The following FER1L6 variants were observed in gnomAD, a reference collection of about 807,000 sequenced individuals.
FER1L6 encodes the protein fer-1-like protein 6.
FER1L6 carries 177 observed loss-of-function variants against 219.2 expected under a neutral mutation model. That is an observed-to-expected ratio of 0.81 (90% CI 0.71 to 0.91). FER1L6 has a LOEUF of 0.91. Ranked by LOEUF, FER1L6 falls within the 40% of genes least tolerant of loss-of-function variation. The pLI is 0.00. For missense variants in FER1L6, 2,153 were observed against 2,259.9 expected, an observed-to-expected ratio of 0.95 and a Z score of 0.96; for synonymous variants, 768 against 824.3, an observed-to-expected ratio of 0.93 and a Z score of 1.17.
intron 21 of FER1L6, chr8:124,046,582 T>C (rs913243441): frequency 6.6e-6 from 1 of 152,192 alleles, no homozygotes; most frequent in African/African-American, 2.4e-5. Context: ...TATCTCTACC[T>C]CCTCATGAGG....
At chr8:123,958,926 G>A (rs931798373) in intron 2 of FER1L6, among the ~76,000 whole-genome samples, 3 of 151,758 alleles carry the variant, frequency 2.0e-5, no homozygotes, top group African/African-American at 4.8e-5. Context: ...CTGAAAGGGG[G>A]CCTTGTGGAT....
chr8:123,946,770 A>G (rs1439893210), intron 1 of FER1L6, among the ~76,000 whole-genome samples: 2 of 152,110 alleles, frequency 1.3e-5, no homozygotes, highest in African/African-American at 2.4e-5. Context: ...CTTAATTATT[A>G]TAATCTCTCC....
At position 123,993,460 on chromosome 8, in the gene FER1L6, AG is replaced by A. The variant is rs199808534; in HGVS notation, c.1519+7286del. 8.2e-3 allele frequency among the ~76,000 whole-genome samples: 1,137 copies of A among 139,138 alleles called. 15 individuals are homozygous for A. The highest frequency in any genetic ancestry group is 0.033 in the African/African-American group (1,078 of 32,362). 91.3% of individuals were successfully genotyped at this position (139,138 alleles called of 152,430 possible). On this transcript the variant is annotated intron_variant, in intron 12 of 40. Coordinates refer to ENST00000522917, the MANE Select transcript of FER1L6 (RefSeq NM_001039112.2). ...CCGTCTCAAAAAAAAAAAAAAAAAAAGGAAGAATGTATATCCAAGACCAAAT... is the reference window on the plus strand; with the variant it reads ...CCGTCTCAAAAAAAAAAAAAAAAAAAGAAGAATGTATATCCAAGACCAAAT...
At chr8:124,069,328 T>G (rs566743728) in intron 28 of FER1L6, 32 bp from the exon 29 acceptor site, 6 of 1,524,346 alleles carry the variant, frequency 3.9e-6, no homozygotes, top group Non-Finnish European at 5.5e-6. Context: ...TCAACCGCCA[T>G]GAGAAACCTA....
chr8:124,120,015 GC>G lies in FER1L6; in HGVS notation c.*226del, dbSNP rs1411102123. 5.0e-5 allele frequency: 21 copies of G among 423,038 alleles called. No homozygotes were observed. Among genetic ancestry groups the G allele is most frequent in the Middle Eastern group, 6.0e-4 (1 of 1,672 alleles). The allele number at this position is 423,038 out of a possible 1,614,324, so 26.2% of individuals were successfully genotyped here. ...TATCCCTTGGGCAGCATGAAATAAG[GC>G]ACTTTCACCTCATGGTAATCAACAA... On this transcript the variant is annotated 3_prime_UTR_variant, in exon 41 of 41. Coordinates refer to ENST00000522917, the MANE Select transcript of FER1L6 (RefSeq NM_001039112.2).
At chr8:124,099,354 T>A (rs1822453076) in intron 37 of FER1L6, among the ~76,000 whole-genome samples, 2 of 152,132 alleles carry the variant, frequency 1.3e-5, no homozygotes, top group Non-Finnish European at 2.9e-5. Context: ...CACTGTTTCT[T>A]CTCTACGGTT....
rs746807122 is a variant in FER1L6, at chr8:123,973,417, GCT to G, written c.448-7_448-6del. 3.1e-6 allele frequency: 5 copies of G among 1,599,970 alleles called. No individual in the cohort carries two copies. The highest frequency in any genetic ancestry group is 2.2e-5 in the East Asian group (1 of 44,800). On this transcript the variant is annotated splice_polypyrimidine_tract_variant and intron_variant, in intron 6 of 40. Coordinates refer to ENST00000522917, the MANE Select transcript of FER1L6 (RefSeq NM_001039112.2). Reference sequence around the variant, plus strand: ...TCAAGGTAAATCTGCCATACTCCCTGCTCTCTCTCTCCTCAGGTCTTTCACCA... The same window carrying G: ...TCAAGGTAAATCTGCCATACTCCCTGCTCTCTCTCCTCAGGTCTTTCACCA...
chr8:123,942,520 G>A (rs1432447185), intron 1 of FER1L6, among the ~76,000 whole-genome samples: 2 of 152,244 alleles, frequency 1.3e-5, no homozygotes, highest in African/African-American at 4.8e-5. Context: ...GAAGTCTGAA[G>A]TCAAAAATGT....
At chr8:124,065,473 A>G (rs1430764070) in intron 26 of FER1L6, among the ~76,000 whole-genome samples, 2 of 152,062 alleles carry the variant, frequency 1.3e-5, no homozygotes, top group African/African-American at 4.8e-5. Context: ...TGAGATAAAA[A>G]GAAGAGTGGA....
At chr8:123,932,169 C>T (rs950514538) in intron 1 of FER1L6, among the ~76,000 whole-genome samples, 40 of 152,198 alleles carry the variant, frequency 2.6e-4, no homozygotes, top group African/African-American at 8.4e-4. Context: ...AGTGCAGTGG[C>T]GTGATGTCGA....
At chr8:124,112,174 G>A (rs185217474) in intron 39 of FER1L6, among the ~76,000 whole-genome samples, 3 of 152,278 alleles carry the variant, frequency 2.0e-5, no homozygotes, top group Admixed American at 2.0e-4. Context: ...AACTCCGTGT[G>A]CACTCTCCTC....
intron 1 of FER1L6, among the ~76,000 whole-genome samples, chr8:123,937,446 G>A (rs1044368292): frequency 6.6e-6 from 1 of 152,290 alleles, no homozygotes; most frequent in South Asian, 2.1e-4. Flanking sequence ...CACATAGTAC[G>A]AGAATGGCCT....
At chr8:123,925,883 T>A (rs4242351) in intron 1 of FER1L6, 61,468 of 151,660 alleles carry the variant, frequency 0.41, 12,754 homozygotes, top group South Asian at 0.52. Context: ...GGACTCTTTG[T>A]TTGACAATGA....
chr8:124,091,825 T>C (rs1392636604), intron 34 of FER1L6, among the ~76,000 whole-genome samples: 2 of 151,746 alleles, frequency 1.3e-5, no homozygotes, highest in Non-Finnish European at 2.9e-5. Flanking sequence ...AAAGTAGCCA[T>C]GCGTGGTGGC....
chr8:123,936,478 T>TTC (rs1563694409), intron 1 of FER1L6, among the ~76,000 whole-genome samples: 103 of 143,248 alleles, frequency 7.2e-4, no homozygotes, highest in East Asian at 4.8e-3. Context: ...TTTTTTTTTT[T>TTC]TTTTTTTTGT....
intron 9 of FER1L6, 84 bp downstream of exon 9, chr8:123,976,168 TA>T (rs1816063848): frequency 1.7e-6 from 2 of 1,177,584 alleles, no homozygotes; most frequent in South Asian, 3.7e-5. Context: ...ATCAAATTAA[TA>T]AAAATTAGGA....
At chr8:123,965,414 C>G (rs1341808355) in intron 3 of FER1L6, among the ~76,000 whole-genome samples, 2 of 152,158 alleles carry the variant, frequency 1.3e-5, no homozygotes, top group Non-Finnish European at 2.9e-5. Context: ...TGTTGTTATC[C>G]ATCTCTAAAT....
intron 12 of FER1L6, among the ~76,000 whole-genome samples, chr8:123,993,512 C>G (rs907540972): frequency 5.9e-5 from 9 of 151,952 alleles, no homozygotes; most frequent in Admixed American, 5.2e-4. Context: ...ACCAGGGCTG[C>G]CTGACTGTTT....
chr8:124,041,858 C>T (rs777175679), intron 20 of FER1L6, among the ~76,000 whole-genome samples: 4 of 152,226 alleles, frequency 2.6e-5, no homozygotes, highest in Non-Finnish European at 5.9e-5. Context: ...AATCCACGCT[C>T]TTCCATTTAT....
Sources: allele counts gnomAD v4.1 joint callset (sites outside exome capture counted in the v4.1 genomes callset), GRCh38; gene constraint gnomAD v4.1.1; transcripts MANE v1.5; gene names NCBI Gene and HGNC (gene_info 2026-07-23, HGNC 2026-07-21).